MLLT1: variants seen among roughly 807,000 people sequenced by gnomAD.
The protein encoded by MLLT1 is protein ENL.
Under a neutral mutation model 55.1 loss-of-function variants are expected in MLLT1, and 11 were observed. That is an observed-to-expected ratio of 0.20 (90% confidence interval 0.13 to 0.33). MLLT1 has a LOEUF of 0.33. Among genes scored for constraint, MLLT1 ranks in the 10% least tolerant of loss-of-function variants. The probability of loss-of-function intolerance (pLI) is 1.00; values close to 1 mark genes in which losing one functional copy is unlikely to be tolerated. For missense variants in MLLT1, 536 were observed against 760.6 expected, an observed-to-expected ratio of 0.70 and a Z score of 3.47; for synonymous variants, 323 against 320.1, an observed-to-expected ratio of 1.01 and a Z score of -0.10.
At chr19:6,223,310 A>C (rs554341663) in intron 5 of MLLT1, among the ~76,000 whole-genome samples, 1 of 152,328 alleles carries the variant, frequency 6.6e-6, no homozygotes, top group East Asian at 1.9e-4. Flanking sequence ...CGCACGGAGC[A>C]AACAGCTCCC....
At chr19:6,233,206 C>T (rs1182434873) in intron 3 of MLLT1, among the ~76,000 whole-genome samples, 1 of 152,248 alleles carries the variant, frequency 6.6e-6, no homozygotes, top group Non-Finnish European at 1.5e-5. Context: ...GCTCCGCAAG[C>T]TCCGGGGACA....
intron 7 of MLLT1, among the ~76,000 whole-genome samples, chr19:6,217,631 G>A (rs560499356): frequency 1.6e-4 from 24 of 152,248 alleles, no homozygotes; most frequent in Admixed American, 2.0e-4. Flanking sequence ...GACGCCGTCC[G>A]TCCATGGTCC....
chr19:6,220,171 C>T (rs919593374), intron 6 of MLLT1, among the ~76,000 whole-genome samples: 6 of 152,354 alleles, frequency 3.9e-5, no homozygotes, highest in Admixed American at 2.6e-4. Flanking sequence ...TTCCGATGGC[C>T]GGTTCTGGTA....
At chr19:6,265,994 T>A (rs996083014) in intron 2 of MLLT1, among the ~76,000 whole-genome samples, 1 of 151,912 alleles carries the variant, frequency 6.6e-6, no homozygotes, top group African/African-American at 2.4e-5. Context: ...AAGTTTTGGA[T>A]CTTAAGCCGG....
rs545205172 is a variant in MLLT1, at chr19:6,226,703, G to A, written c.546+274C>T. On this transcript the variant is annotated intron_variant, in intron 5 of 11. Transcript: ENST00000252674. The surrounding 1 kb of genome is among the most constrained non-coding windows in gnomAD (Gnocchi z 6.3). ...GGGCTTCAGGCCGAGCAGTCCTGGGGCCCTGCCATCACTTGGCAGAACGGG... is the reference window on the plus strand; with the variant it reads ...GGGCTTCAGGCCGAGCAGTCCTGGGACCCTGCCATCACTTGGCAGAACGGG... Among the ~76,000 whole-genome samples, 1 of 152,270 alleles carries A rather than the reference G, an allele frequency of 6.6e-6. No homozygotes were observed. Among genetic ancestry groups the A allele is most frequent in the East Asian group, 2.0e-4 (1 of 5,126 alleles).
rs1294220702 is a variant in MLLT1, at chr19:6,273,736, G to A, written c.13-2977C>T. Among the ~76,000 whole-genome samples the A allele has an allele frequency of 2.6e-5, 4 of 152,172 alleles. No homozygotes were observed. The highest frequency in any genetic ancestry group is 4.8e-5 in the African/African-American group (2 of 41,432). ...CATCATGGGAACAGCACCAGGATGC[G>A]GGAGAACGACCCCTGCTTCTGTGGA... is the stretch of plus-strand genomic sequence containing the variant. On this transcript the variant is annotated intron_variant, in intron 1 of 11. Transcript: ENST00000252674. This position sits in a 1 kb window ranked among gnomAD's most constrained non-coding sequence, Gnocchi z 4.3.
chr19:6,265,057 CAAAA>C (rs1206210263), intron 2 of MLLT1, among the ~76,000 whole-genome samples: 6 of 32,620 alleles, frequency 1.8e-4, no homozygotes, highest in Non-Finnish European at 3.4e-4. Context: ...AACAAAAAAA[CAAAA>C]AAACAAAAAA....
chr19:6,265,057 C>A (rs68179611), intron 2 of MLLT1, among the ~76,000 whole-genome samples: 6,964 of 30,944 alleles, frequency 0.23, 703 homozygotes, highest in African/African-American at 0.33. Flanking sequence ...AACAAAAAAA[C>A]AAAAAAACAA....
Position 6,233,973 on chromosome 19 carries a change from G to A in MLLT1, c.277-3260C>T, listed in dbSNP as rs568562127. The stretch of plus-strand genomic sequence containing the variant: ...CCTCTCCTGTCTTCCCCCGAGGTAC[G>A]CAGCTGGCCTAGTTCCAAGTGAGCC... On this transcript the variant is annotated intron_variant, in intron 3 of 11. Transcript: ENST00000252674. Among the ~76,000 whole-genome samples, 22 of 152,226 alleles carry A rather than the reference G, an allele frequency of 1.4e-4. No individual in the cohort carries two copies. The South Asian group carries it at 4.4e-3, about 30-fold the overall frequency.
At position 6,222,154 on chromosome 19, in the gene MLLT1, G is replaced by C. The variant is rs1401937184; in HGVS notation, c.1077C>G (p.Ser359=). ...EAKKALEVEE[S]NSEDEASFKS... ...TGAAGGAGGCCTCGTCCTCTGAGTT[G>C]GACTCCTCCACCTCCAGGGCCTTTT... The change falls in exon 6 of 12, where the codon TCC becomes TCG. Residue 359 remains serine (S), a synonymous_variant. Transcript: ENST00000252674. The surrounding 1 kb of genome is among the most constrained non-coding windows in gnomAD (Gnocchi z 4.1). 9 of 1,555,086 alleles carry C rather than the reference G, an allele frequency of 5.8e-6. No homozygotes were observed. The East Asian group carries it at 1.6e-4, about 28-fold the overall frequency.
rs1056925978 is a variant in MLLT1, at chr19:6,268,022, G to A, written c.193+2557C>T. Among the ~76,000 whole-genome samples the A allele has an allele frequency of 5.9e-5, 9 of 152,206 alleles. 1 individual carries two copies. Among genetic ancestry groups the A allele is most frequent in the African/African-American group, 1.9e-4 (8 of 41,454 alleles). ...AGAAACCTCTGACTTGGGGTGGGGAGAGGGATGGACAAGATGAAGAAGTCA... is the reference window on the plus strand; with the variant it reads ...AGAAACCTCTGACTTGGGGTGGGGAAAGGGATGGACAAGATGAAGAAGTCA... On this transcript the variant is annotated intron_variant, in intron 2 of 11. Transcript: ENST00000252674.
chr19:6,238,609 A>G (rs947249324), intron 3 of MLLT1, among the ~76,000 whole-genome samples: 12 of 152,240 alleles, frequency 7.9e-5, no homozygotes, highest in African/African-American at 2.4e-4. Context: ...CCTGCCTCAC[A>G]GCTCTCAATT....
rs945060202 is a variant in MLLT1 at position 6,270,133 on chromosome 19, C to T, written c.193+446G>A. ...TGAGGCACTCGTGCTGAATCAATGA[C>T]GGCCTGAGGCTTGAAGGGAGAGGGA... On this transcript the variant is annotated intron_variant, in intron 2 of 11. Coordinates refer to ENST00000252674, the MANE Select transcript of MLLT1 (RefSeq NM_005934.4). The surrounding 1 kb of genome is among the most constrained non-coding windows in gnomAD (Gnocchi z 7.1). Among the ~76,000 whole-genome samples the T allele has an allele frequency of 9.9e-5, 15 of 151,376 alleles. No individual in the cohort carries two copies. The highest frequency in any genetic ancestry group is 4.6e-4 in the Admixed American group (7 of 15,146).
At chr19:6,214,314 A>T (rs1395227901) in intron 8 of MLLT1, among the ~76,000 whole-genome samples, 1 of 152,198 alleles carries the variant, frequency 6.6e-6, no homozygotes, top group African/African-American at 2.4e-5. Flanking sequence ...AAAGCCCCCC[A>T]GCCAATGGGC....
At chr19:6,238,396 AG>A (rs1212045829) in intron 3 of MLLT1, among the ~76,000 whole-genome samples, 1 of 152,386 alleles carries the variant, frequency 6.6e-6, no homozygotes, top group Non-Finnish European at 1.5e-5. Flanking sequence ...AAATATTAGC[AG>A]ATTAGTAGAC....
chr19:6,267,356 G>A (rs969924833), intron 2 of MLLT1, among the ~76,000 whole-genome samples: 2 of 150,834 alleles, frequency 1.3e-5, no homozygotes, highest in Non-Finnish European at 1.5e-5. Flanking sequence ...CACCCGTCTC[G>A]GCCTCCCAAA....
intron 5 of MLLT1, among the ~76,000 whole-genome samples, chr19:6,224,475 G>A (rs879936158): frequency 3.3e-5 from 5 of 152,230 alleles, no homozygotes; most frequent in Admixed American, 6.5e-5. Flanking sequence ...GCCTCTTCCA[G>A]CAGGGGACAC....
Position 6,226,922 on chromosome 19 carries a change from C to T in MLLT1, c.546+55G>A, listed in dbSNP as rs2090961801. ...TGGAGGGAGGGCGCCGGGGCCAGAC[C>T]CACCACAGCTGGGCCCCGGCGCTCC... On this transcript the variant is annotated intron_variant, in intron 5 of 11. Coordinates refer to ENST00000252674, the MANE Select transcript of MLLT1 (RefSeq NM_005934.4). The surrounding 1 kb of genome is among the most constrained non-coding windows in gnomAD (Gnocchi z 6.3). 6.8e-7 allele frequency: 1 copy of T among 1,469,872 alleles called. No homozygotes were observed. Among genetic ancestry groups the T allele is most frequent in the Non-Finnish European group, 9.0e-7 (1 of 1,111,184 alleles). 91.1% of individuals were successfully genotyped at this position (1,469,872 alleles called of 1,614,324 possible).
At chr19:6,253,404 C>T (rs976075309) in intron 3 of MLLT1, among the ~76,000 whole-genome samples, 1 of 149,234 alleles carries the variant, frequency 6.7e-6, no homozygotes, top group Non-Finnish European at 1.5e-5. Flanking sequence ...ATGGAACATT[C>T]AAAGAACAAA....
Sources: allele counts gnomAD v4.1 joint callset (sites outside exome capture counted in the v4.1 genomes callset), GRCh38; gene constraint gnomAD v4.1.1; non-coding constraint Gnocchi (gnomAD v3.1); transcripts MANE v1.5; gene names NCBI Gene and HGNC (gene_info 2026-07-23, HGNC 2026-07-21).